TTC29: variants seen among roughly 807,000 people sequenced by gnomAD.
TTC29 encodes tetratricopeptide repeat domain 29.
TTC29 carries 49 observed loss-of-function variants against 58.1 expected under a neutral mutation model. The observed-to-expected ratio is 0.84, with a 90% CI of 0.67 to 1.07. TTC29 has a LOEUF of 1.07. TTC29 is among the 50% of genes least tolerant of loss of function. The probability of loss-of-function intolerance (pLI) is 0.00; values close to 1 mark genes in which losing one functional copy is unlikely to be tolerated. For missense variants in TTC29, 582 were observed against 555.6 expected (o/e 1.05, Z -0.48); for synonymous variants, 209 against 196.8 (o/e 1.06, Z -0.52).
chr4:146,930,445 C>A (rs1179714284), intron 4 of TTC29, among the ~76,000 whole-genome samples: 1 of 152,064 alleles, frequency 6.6e-6, no homozygotes, highest in Non-Finnish European at 1.5e-5. Context: ...TCTGTGGAAA[C>A]CCTGGTGAAG....
At chr4:146,870,006 A>G (rs1040586111) in intron 7 of TTC29, among the ~76,000 whole-genome samples, 1 of 152,110 alleles carries the variant, frequency 6.6e-6, no homozygotes, top group South Asian at 2.1e-4. Flanking sequence ...GAGAAAATAA[A>G]TAATAAAGAA....
chr4:146,910,889 G>A (rs868153098), intron 4 of TTC29, among the ~76,000 whole-genome samples: 2 of 152,140 alleles, frequency 1.3e-5, no homozygotes, highest in South Asian at 2.1e-4. Flanking sequence ...CTCCAATTGC[G>A]ATCGATAGAG....
intron 2 of TTC29, among the ~76,000 whole-genome samples, chr4:146,941,448 CT>C (rs1227151118): frequency 1.6e-4 from 24 of 152,308 alleles, no homozygotes; most frequent in Admixed American, 6.5e-5. Flanking sequence ...ACAAAACTCT[CT>C]GATTTCACAG....
intron 11 of TTC29, 80 bp downstream of exon 11, chr4:146,803,377 G>T: frequency 9.8e-7 from 1 of 1,025,388 alleles, no homozygotes. Flanking sequence ...ACCGACATTT[G>T]AGTGAAACTT....
intron 11 of TTC29, among the ~76,000 whole-genome samples, chr4:146,708,330 A>ACATGTATGTGTGTG (rs1209174993): frequency 1.6e-5 from 1 of 64,024 alleles, no homozygotes; most frequent in African/African-American, 4.5e-5. Flanking sequence ...ATATATATAT[A>ACATGTATGTGTGTG]TATATATATA....
At chr4:146,925,241 A>C (rs190094074) in intron 4 of TTC29, among the ~76,000 whole-genome samples, 3 of 152,198 alleles carry the variant, frequency 2.0e-5, no homozygotes, top group African/African-American at 7.2e-5. Context: ...GGCATTGTCC[A>C]AGGCTTCTAT....
intron 11 of TTC29, among the ~76,000 whole-genome samples, chr4:146,775,411 C>T (rs1748015600): frequency 6.6e-6 from 1 of 152,096 alleles, no homozygotes; most frequent in Admixed American, 6.5e-5. Context: ...ATTTAGCACT[C>T]CCTTAAGGAC....
intron 9 of TTC29, among the ~76,000 whole-genome samples, chr4:146,824,364 T>C (rs1305358721): frequency 6.6e-6 from 1 of 152,194 alleles, no homozygotes; most frequent in African/African-American, 2.4e-5. Flanking sequence ...GGTAATCCTG[T>C]TGTTTTTGTC....
chr4:146,941,198 G>A, intron 2 of TTC29, among the ~76,000 whole-genome samples: 1 of 152,082 alleles, frequency 6.6e-6, no homozygotes, highest in Admixed American at 6.5e-5. Flanking sequence ...AAAAGGCCAG[G>A]GGCTCCTGAT....
intron 6 of TTC29, among the ~76,000 whole-genome samples, chr4:146,893,911 CA>C (rs1732566657): frequency 6.6e-6 from 1 of 152,056 alleles, no homozygotes; most frequent in African/African-American, 2.4e-5. Flanking sequence ...TTTCTGCAGC[CA>C]AAAGACACAT....
rs1746439755 is a variant in TTC29 at position 146,756,247 on chromosome 4, G to T, written c.1330+47210C>A. On this transcript the variant is annotated intron_variant, in intron 11 of 12. Coordinates refer to ENST00000325106, the MANE Select transcript of TTC29 (RefSeq NM_031956.4). The stretch of plus-strand genomic sequence containing the variant: ...GATTGTACCACTGCACTCCAGTCTG[G>T]GTGACAGAGCAAGACTCTGTCTCAA... Among the ~76,000 whole-genome samples, 4 of 147,602 alleles carry T rather than the reference G, an allele frequency of 2.7e-5. No individual in the cohort carries two copies. The South Asian group carries it at 8.7e-4, about 32-fold the overall frequency.
In TTC29 at chr4:146,833,900, A is replaced by G; in HGVS notation, c.886-3T>C. ...ATTTTACAGTAAGTGTCAAGGACCTATCAGGAAGAGAAATACATATTGAAC... is the reference window on the plus strand; with the variant it reads ...ATTTTACAGTAAGTGTCAAGGACCTGTCAGGAAGAGAAATACATATTGAAC... On this transcript the variant is annotated splice_polypyrimidine_tract_variant and splice_region_variant and intron_variant, in intron 8 of 12. Transcript: ENST00000325106. 3.7e-6 allele frequency: 6 copies of G among 1,606,542 alleles called. No homozygotes were observed. Among genetic ancestry groups the G allele is most frequent in the Middle Eastern group, 3.3e-4 (2 of 6,038 alleles).
chr4:146,817,497 G>C (rs1349645251), intron 10 of TTC29, among the ~76,000 whole-genome samples: 1 of 152,070 alleles, frequency 6.6e-6, no homozygotes, highest in Non-Finnish European at 1.5e-5. Context: ...TGTGAAAATG[G>C]CCATACTGCC....
At chr4:146,925,156 C>T (rs1380075779) in intron 4 of TTC29, among the ~76,000 whole-genome samples, 1 of 152,004 alleles carries the variant, frequency 6.6e-6, no homozygotes, top group African/African-American at 2.4e-5. Context: ...ATCCTCCATG[C>T]ACAGTTGAAC....
chr4:146,864,385 C>T (rs1191872226), intron 8 of TTC29, among the ~76,000 whole-genome samples: 1 of 151,992 alleles, frequency 6.6e-6, no homozygotes, highest in Admixed American at 6.5e-5. Flanking sequence ...CTGCTCAAGT[C>T]CAGAGACTTA....
At chr4:146,787,582 T>A (rs566433544) in intron 11 of TTC29, among the ~76,000 whole-genome samples, 1 of 152,330 alleles carries the variant, frequency 6.6e-6, no homozygotes, top group East Asian at 1.9e-4. Flanking sequence ...ACAGATGTGA[T>A]CACTTTATCT....
Position 146,943,811 on chromosome 4 carries a change from G to C in TTC29, c.-7+1220C>G, listed in dbSNP as rs11722621. On this transcript the variant is annotated intron_variant, in intron 2 of 12. Coordinates refer to ENST00000325106, the MANE Select transcript of TTC29 (RefSeq NM_031956.4). Reference sequence around the variant, plus strand: ...TAAATACCTGTAAAGAAAGCCTTTTGGTCTTTGTTAATATGAGTTGCATCA... The same window carrying C: ...TAAATACCTGTAAAGAAAGCCTTTTCGTCTTTGTTAATATGAGTTGCATCA... Among the ~76,000 whole-genome samples, 1,245 of 152,264 alleles carry C rather than the reference G, an allele frequency of 8.2e-3. 7 individuals carry two copies. The highest frequency in any genetic ancestry group is 0.013 in the Non-Finnish European group (910 of 68,010).
intron 11 of TTC29, among the ~76,000 whole-genome samples, chr4:146,794,235 T>A (rs780993270): frequency 2.0e-5 from 3 of 152,156 alleles, no homozygotes; most frequent in African/African-American, 7.2e-5. Flanking sequence ...TATTTGGCCA[T>A]CTATATTTTT....
intron 6 of TTC29, among the ~76,000 whole-genome samples, chr4:146,889,099 G>A (rs905212036): frequency 6.6e-6 from 1 of 152,096 alleles, no homozygotes; most frequent in African/African-American, 2.4e-5. Context: ...CCCCATGTAT[G>A]AATTTGCAGG....
Sources: gnomAD v4.1 joint callset for allele counts (sites outside exome capture counted in the v4.1 genomes callset) on GRCh38, gnomAD v4.1.1 for gene constraint, MANE v1.5 for transcripts, NCBI Gene and HGNC (gene_info 2026-07-23, HGNC 2026-07-21) for gene names.